The following ZC3H18 variants were observed in gnomAD, a reference collection of about 807,000 sequenced individuals.
ZC3H18 encodes zinc finger CCCH-type containing 18.
In ZC3H18, 8 loss-of-function variants were observed where a neutral mutation model predicts 106.1. The ratio of observed to expected loss-of-function variants is 0.08; its 90% CI spans 0.04 to 0.14. The LOEUF (loss-of-function observed/expected upper bound fraction) is 0.14, where lower values mean the gene tolerates loss of function less well. Ranked by LOEUF, ZC3H18 falls within the 10% of genes least tolerant of loss-of-function variation. ZC3H18 has a pLI of 1.00. For synonymous variants in ZC3H18, 635 were observed against 522.1 expected (o/e 1.22, Z -2.95); for missense variants, 1,318 against 1,278.4 (o/e 1.03, Z -0.47).
intron 2 of ZC3H18, among the ~76,000 whole-genome samples, chr16:88,585,577 C>T (rs1419846763): frequency 6.6e-6 from 1 of 152,126 alleles, no homozygotes; most frequent in East Asian, 1.9e-4. Flanking sequence ...GGAAGGCCAC[C>T]CCAAGGAAGG....
intron 3 of ZC3H18, among the ~76,000 whole-genome samples, chr16:88,592,205 G>A (rs1470932710): frequency 1.3e-5 from 2 of 152,110 alleles, no homozygotes; most frequent in Non-Finnish European, 2.9e-5. Context: ...TTTTTTGATA[G>A]TAGCCATTTC....
chr16:88,608,715 G>GTTAGACATTTTTA (rs1905131669), intron 6 of ZC3H18: 1 of 331,094 alleles, frequency 3.0e-6, no homozygotes, highest in Non-Finnish European at 5.6e-6. Context: ...TTGAATTTTT[G>GTTAGACATTTTTA]TTAGACATTT....
At position 88,600,569 on chromosome 16, in the gene ZC3H18, A is replaced by G. The variant is rs1197635366; in HGVS notation, c.1088+621A>G. Among the ~76,000 whole-genome samples, 4 of 152,090 alleles carry G rather than the reference A, an allele frequency of 2.6e-5. No homozygotes were observed. In the East Asian group the frequency reaches 7.7e-4, roughly 29 times the overall value. On this transcript the variant is annotated intron_variant, in intron 6 of 17. Transcript: ENST00000301011. ...GCTGGAACTACAGGTGTCTGCTACC[A>G]CACCCAACTCAGTTTTGTGTTTTTA...
In ZC3H18 at chr16:88,627,725, C is replaced by A; in HGVS notation, c.2212C>A (p.Pro738Thr). 6.2e-7 allele frequency: 1 copy of A among 1,613,512 alleles called. No homozygotes were observed. Among genetic ancestry groups the A allele is most frequent in the Non-Finnish European group, 8.5e-7 (1 of 1,179,750 alleles). The change falls in exon 14 of 18, where the codon CCC becomes ACC. Residue 738 changes from proline to threonine, a missense_variant. This residue lies in a region of ZC3H18 where 848 missense variants were observed against 821.7 expected (regional missense o/e 1.03). Coordinates refer to ENST00000301011, the MANE Select transcript of ZC3H18 (RefSeq NM_144604.4). This position sits in a 1 kb window ranked among gnomAD's most constrained non-coding sequence, Gnocchi z 4.5. ...SEDMYADLAS[P>T]VSSASSRSPA... ...GGACATGTACGCAGACCTGGCTAGC[C>A]CCGTGTCCTCAGCCAGCTCTCGGTC...
intron 8 of ZC3H18, among the ~76,000 whole-genome samples, chr16:88,621,649 C>G (rs1329145551): frequency 6.6e-6 from 1 of 152,082 alleles, no homozygotes; most frequent in African/African-American, 2.4e-5. Flanking sequence ...AGCCATCGCG[C>G]CCAGCCTAAT....
chr16:88,597,842 T>A (rs1165705788), intron 3 of ZC3H18, among the ~76,000 whole-genome samples: 1 of 152,242 alleles, frequency 6.6e-6, no homozygotes, highest in Non-Finnish European at 1.5e-5. Flanking sequence ...GGGCCAGGGC[T>A]GGAAGCAAAG....
At chr16:88,572,243 G>A (rs1056968795) in intron 1 of ZC3H18, among the ~76,000 whole-genome samples, 2 of 152,266 alleles carry the variant, frequency 1.3e-5, no homozygotes, top group African/African-American at 4.8e-5. Context: ...CAGCAGTGCC[G>A]TTGGAGTCTG....
At chr16:88,620,454 A>G (rs768957788) in intron 8 of ZC3H18, among the ~76,000 whole-genome samples, 1 of 151,986 alleles carries the variant, frequency 6.6e-6, no homozygotes, top group Non-Finnish European at 1.5e-5. Flanking sequence ...GGTGGTGCAC[A>G]CCTGCAGTCC....
Position 88,627,500 on chromosome 16 carries a change from A to C in ZC3H18, c.2109-122A>C. The C allele has an allele frequency of 7.4e-7, 1 of 1,357,860 alleles. No homozygotes were observed. Among genetic ancestry groups the C allele is most frequent in the Non-Finnish European group, 1.0e-6 (1 of 1,004,276 alleles). The allele number at this position is 1,357,860 out of a possible 1,614,324, so 84.1% of individuals were successfully genotyped here. On this transcript the variant is annotated intron_variant, in intron 13 of 17. Coordinates refer to ENST00000301011, the MANE Select transcript of ZC3H18 (RefSeq NM_144604.4). The surrounding 1 kb of genome is among the most constrained non-coding windows in gnomAD (Gnocchi z 4.5). ...AACTGCCCAGTGTCCCCCCAAAATC[A>C]CACATTCCGTGGGTACATGATCCAT... is the stretch of plus-strand genomic sequence containing the variant.
At chr16:88,619,773 A>C (rs149093313) in intron 8 of ZC3H18, among the ~76,000 whole-genome samples, 141 of 152,264 alleles carry the variant, frequency 9.3e-4, no homozygotes, top group African/African-American at 3.3e-3. Flanking sequence ...GGTGGTCCTG[A>C]CCACGCCTTG....
chr16:88,577,291 G>C lies in ZC3H18; in HGVS notation c.168G>C (p.Arg56Ser). 1.2e-6 allele frequency: 2 copies of C among 1,613,140 alleles called. No homozygotes were observed. Among genetic ancestry groups the C allele is most frequent in the South Asian group, 1.1e-5 (1 of 90,928 alleles). Reference protein sequence around the residue: ...SDLEDEESAARGPSQEEEDNH... With the variant: ...SDLEDEESAASGPSQEEEDNH... ...TGGAGGATGAGGAAAGTGCAGCCAG[G>C]GGGCCGAGCCAGGAGGAGGAAGATA... Residue 56 changes from arginine (R) to serine (S), a missense_variant, in exon 2 of 18, where the codon AGG becomes AGC. Coordinates refer to ENST00000301011, the MANE Select transcript of ZC3H18 (RefSeq NM_144604.4).
At chr16:88,573,140 A>G (rs1422899839) in intron 1 of ZC3H18, among the ~76,000 whole-genome samples, 1 of 152,028 alleles carries the variant, frequency 6.6e-6, no homozygotes, top group Non-Finnish European at 1.5e-5. Flanking sequence ...CTTTGTTTCC[A>G]AGGTTGACAT....
At position 88,631,521 on chromosome 16, in the gene ZC3H18, C is replaced by G. The variant is rs909335170; in HGVS notation, c.*222C>G. 1 of 669,858 alleles carries G rather than the reference C, an allele frequency of 1.5e-6. No individual in the cohort carries two copies. The highest frequency in any genetic ancestry group is 1.8e-5 in the African/African-American group (1 of 56,316). 41.5% of individuals were successfully genotyped at this position (669,858 alleles called of 1,614,324 possible). The stretch of plus-strand genomic sequence containing the variant: ...GTCCCGCAGGACAGACAGACACAGA[C>G]AGCGCTAGTGACCAGCACGGTTCTC... On this transcript the variant is annotated 3_prime_UTR_variant, in exon 18 of 18. Coordinates refer to ENST00000301011, the MANE Select transcript of ZC3H18 (RefSeq NM_144604.4).
intron 9 of ZC3H18, 110 bp from the exon 10 acceptor site, chr16:88,623,109 G>T: frequency 2.7e-6 from 4 of 1,467,594 alleles, no homozygotes; most frequent in Non-Finnish European, 3.6e-6. Flanking sequence ...CTGTGCGCTT[G>T]TGTGTAGCTG....
intron 8 of ZC3H18, 146 bp from the exon 9 acceptor site, chr16:88,622,049 CCT>C: frequency 1.1e-6 from 1 of 930,060 alleles, no homozygotes; most frequent in Non-Finnish European, 1.6e-6. Flanking sequence ...TTGTGAGTGG[CCT>C]TTTTTCCCCT....
chr16:88,607,653 A>G (rs1273352504), intron 6 of ZC3H18, among the ~76,000 whole-genome samples: 2 of 144,740 alleles, frequency 1.4e-5, no homozygotes, highest in Non-Finnish European at 3.0e-5. Flanking sequence ...CACAGGCTTC[A>G]TGTCACGTGT....
intron 16 of ZC3H18, 95 bp from the exon 17 acceptor site, chr16:88,630,390 G>C (rs1234697099): frequency 6.6e-6 from 6 of 912,646 alleles, no homozygotes; most frequent in Non-Finnish European, 1.0e-5. Flanking sequence ...AGCAGCCTCA[G>C]GCTTTAGAAG....
At chr16:88,578,708 TGAGA>T (rs368494238) in intron 2 of ZC3H18, among the ~76,000 whole-genome samples, 2 of 151,996 alleles carry the variant, frequency 1.3e-5, no homozygotes, top group Non-Finnish European at 2.9e-5. Flanking sequence ...TCCTTTTTTT[TGAGA>T]GAGAGAGTCT....
At chr16:88,597,655 C>A (rs1449538266) in intron 3 of ZC3H18, among the ~76,000 whole-genome samples, 1 of 152,152 alleles carries the variant, frequency 6.6e-6, no homozygotes, top group African/African-American at 2.4e-5. Context: ...CGTTTCAGTT[C>A]CAGAAATATC....
Sources: gnomAD v4.1 joint callset for allele counts (sites outside exome capture counted in the v4.1 genomes callset) on GRCh38, gnomAD v4.1.1 for gene constraint, gnomAD v4.1.1 regional missense constraint, Gnocchi (gnomAD v3.1) non-coding constraint, MANE v1.5 for transcripts, NCBI Gene and HGNC (gene_info 2026-07-23, HGNC 2026-07-21) for gene names.